Variants in SLIT3 observed in about 807,000 individuals in gnomAD.
SLIT3 encodes the protein slit guidance ligand 3.
SLIT3 carries 68 observed loss-of-function variants against 184.0 expected under a neutral mutation model. That is an observed-to-expected ratio of 0.37 (90% CI 0.30 to 0.45). The LOEUF (loss-of-function observed/expected upper bound fraction) is 0.45. SLIT3 is among the 20% of genes least tolerant of loss of function. The pLI is 1.00. For synonymous variants in SLIT3, 831 were observed against 828.6 expected, an observed-to-expected ratio of 1.00 and a Z score of -0.05; for missense variants, 1,707 against 2,026.0, an observed-to-expected ratio of 0.84 and a Z score of 3.02.
chr5:169,199,896 C>A (rs1027809471), intron 3 of SLIT3, among the ~76,000 whole-genome samples: 6 of 152,146 alleles, frequency 3.9e-5, no homozygotes, highest in South Asian at 4.1e-4. Context: ...ATCAGGCACA[C>A]AAAGAACCTT....
At chr5:168,770,380 G>A (rs1020464881) in intron 14 of SLIT3, among the ~76,000 whole-genome samples, 1 of 152,178 alleles carries the variant, frequency 6.6e-6, no homozygotes, top group Non-Finnish European at 1.5e-5. Flanking sequence ...GTAAAACGCA[G>A]AGTTATTATC....
At chr5:169,063,264 C>T (rs189338030) in intron 4 of SLIT3, among the ~76,000 whole-genome samples, 1 of 152,138 alleles carries the variant, frequency 6.6e-6, no homozygotes, top group African/African-American at 2.4e-5. Context: ...GTCCTGAATT[C>T]GTCAGTTATT....
intron 12 of SLIT3, among the ~76,000 whole-genome samples, chr5:168,785,501 G>A (rs1035521241): frequency 1.3e-5 from 2 of 152,216 alleles, no homozygotes; most frequent in Non-Finnish European, 2.9e-5. Flanking sequence ...AAGGTCACAT[G>A]TCCATCAGCA....
intron 6 of SLIT3, among the ~76,000 whole-genome samples, chr5:168,826,115 C>T (rs1297944066): frequency 6.6e-6 from 1 of 152,210 alleles, no homozygotes; most frequent in African/African-American, 2.4e-5. Flanking sequence ...TAAGCAGGGC[C>T]TCAACTATAA....
intron 4 of SLIT3, among the ~76,000 whole-genome samples, chr5:168,937,115 G>C (rs776057773): frequency 2.0e-5 from 3 of 151,950 alleles, no homozygotes; most frequent in Non-Finnish European, 4.4e-5. Context: ...AGGTGAAGTT[G>C]GGGGGAAAAG....
Position 168,700,582 on chromosome 5 carries a change from C to T in SLIT3, c.2942G>A (p.Ser981Asn), listed in dbSNP as rs988011084. The T allele has an allele frequency of 6.2e-6, 10 of 1,612,296 alleles. No homozygotes were observed. Among genetic ancestry groups the T allele is most frequent in the South Asian group, 1.1e-5 (1 of 91,004 alleles). ...HLSDSHKDGF[S>N]CSCPLGFEGQ... Reference sequence around the variant, plus strand: ...AGGGAGGCCAGGGGTGAACTGTTACCTGAACCCATCCTTGTGGCTGTCACT... The same window carrying T: ...AGGGAGGCCAGGGGTGAACTGTTACTTGAACCCATCCTTGTGGCTGTCACT... Residue 981 changes from serine to asparagine, a missense_variant and splice_region_variant, in exon 27 of 36, where the codon AGC (serine) becomes AAC (asparagine). Around this residue, in one of 3 missense-constraint regions of SLIT3, gnomAD observed 1,307 missense variants for 1,511.6 expected, o/e 0.86. Transcript: ENST00000519560.
intron 3 of SLIT3, among the ~76,000 whole-genome samples, chr5:169,197,139 G>A (rs1160921293): frequency 6.6e-6 from 1 of 152,180 alleles, no homozygotes; most frequent in East Asian, 1.9e-4. Flanking sequence ...TTTTTTGCCG[G>A]TATTTGTGGC....
intron 5 of SLIT3, among the ~76,000 whole-genome samples, chr5:168,845,285 C>CG (rs1430198313): frequency 6.6e-6 from 1 of 152,098 alleles, no homozygotes; most frequent in East Asian, 1.9e-4. Flanking sequence ...TGCATTGTTA[C>CG]GGGGCCCATC....
intron 32 of SLIT3, among the ~76,000 whole-genome samples, chr5:168,675,623 C>G (rs565920782): frequency 2.0e-5 from 3 of 152,270 alleles, no homozygotes; most frequent in African/African-American, 7.2e-5. Flanking sequence ...ACTTGACAAG[C>G]TGGGAGGTTG....
chr5:168,755,041 G>T (rs766767921), intron 16 of SLIT3, among the ~76,000 whole-genome samples: 1 of 152,184 alleles, frequency 6.6e-6, no homozygotes, highest in Non-Finnish European at 1.5e-5. Flanking sequence ...AGTTACTATT[G>T]TTGACCACTT....
intron 4 of SLIT3, among the ~76,000 whole-genome samples, chr5:169,126,386 C>T (rs1364563736): frequency 6.6e-6 from 1 of 152,164 alleles, no homozygotes; most frequent in African/African-American, 2.4e-5. Context: ...ACGCAGGCAA[C>T]ACCATGATGT....
intron 5 of SLIT3, among the ~76,000 whole-genome samples, chr5:168,856,044 G>T (rs1044566009): frequency 2.0e-5 from 3 of 152,156 alleles, no homozygotes; most frequent in African/African-American, 7.2e-5. Flanking sequence ...CGGAGGCAGA[G>T]GTTGCAGTTA....
At chr5:168,696,544 T>C (rs1186848432) in intron 27 of SLIT3, 113 bp from the exon 28 acceptor site, 5 of 1,304,900 alleles carry the variant, frequency 3.8e-6, no homozygotes, top group Non-Finnish European at 5.4e-6. Flanking sequence ...TTCCTCCAGA[T>C]GGAGGTCTGA....
chr5:169,240,625 G>T (rs1184946393), intron 3 of SLIT3, among the ~76,000 whole-genome samples: 9 of 70,600 alleles, frequency 1.3e-4, no homozygotes, highest in African/African-American at 1.2e-4. Context: ...CTATCCTTAT[G>T]TTTAATGTTA....
intron 5 of SLIT3, among the ~76,000 whole-genome samples, chr5:168,858,783 T>C (rs1376327072): frequency 6.6e-6 from 1 of 152,258 alleles, no homozygotes; most frequent in Non-Finnish European, 1.5e-5. Flanking sequence ...GTTTCGATTT[T>C]CCATCCTAGG....
Position 168,938,479 on chromosome 5 carries a change from G to A in SLIT3, c.414-55143C>T, listed in dbSNP as rs114246336. Among the ~76,000 whole-genome samples, 1,433 of 152,296 alleles carry A rather than the reference G, an allele frequency of 9.4e-3. 21 individuals carry two copies. The highest frequency in any genetic ancestry group is 0.033 in the African/African-American group (1,361 of 41,558). On this transcript the variant is annotated intron_variant, in intron 4 of 35. Coordinates refer to ENST00000519560, the MANE Select transcript of SLIT3 (RefSeq NM_003062.4). ...ATCCTTGCCTGATTGTACTGTTGCA[G>A]CAGTGGCCAATGATGATACTGTTGT...
At chr5:169,038,430 T>G (rs2113552282) in intron 4 of SLIT3, among the ~76,000 whole-genome samples, 1 of 152,346 alleles carries the variant, frequency 6.6e-6, no homozygotes, top group South Asian at 2.1e-4. Flanking sequence ...AAATTATACT[T>G]TATACCATAA....
intron 30 of SLIT3, among the ~76,000 whole-genome samples, chr5:168,686,215 G>C (rs113937873): frequency 3.9e-5 from 6 of 152,284 alleles, no homozygotes; most frequent in Admixed American, 6.5e-5. Flanking sequence ...TTCAGGCTGC[G>C]GAACAGAGCA....
chr5:169,082,744 A>G (rs1435663272), intron 4 of SLIT3, among the ~76,000 whole-genome samples: 3 of 152,216 alleles, frequency 2.0e-5, no homozygotes, highest in Non-Finnish European at 4.4e-5. Context: ...TGAAGATGTG[A>G]TGTTGTTTAA....
Sources: allele counts gnomAD v4.1 joint callset (sites outside exome capture counted in the v4.1 genomes callset), GRCh38; gene constraint gnomAD v4.1.1; regional missense constraint gnomAD v4.1.1; transcripts MANE v1.5; gene names NCBI Gene and HGNC (gene_info 2026-07-23, HGNC 2026-07-21).